PLCL1: variants seen among roughly 807,000 people sequenced by gnomAD.
PLCL1 encodes phospholipase C like 1 (inactive).
Under a neutral mutation model 84.4 loss-of-function variants are expected in PLCL1, and 41 were observed. The observed-to-expected ratio is 0.49, with a 90% CI of 0.38 to 0.63. The LOEUF (loss-of-function observed/expected upper bound fraction) is 0.63, where lower values mean the gene tolerates loss of function less well. Ranked by LOEUF, PLCL1 falls within the 30% of genes least tolerant of loss-of-function variation. The pLI is 0.00. For synonymous variants in PLCL1, 490 were observed against 488.3 expected, an observed-to-expected ratio of 1.00 and a Z score of -0.05; for missense variants, 1,206 against 1,367.8, an observed-to-expected ratio of 0.88 and a Z score of 1.87.
At chr2:198,134,759 G>A (rs2105939857) in intron 5 of PLCL1, among the ~76,000 whole-genome samples, 1 of 152,284 alleles carries the variant, frequency 6.6e-6, no homozygotes, top group Non-Finnish European at 1.5e-5. Flanking sequence ...GGTGAATTGT[G>A]CCCTTGGAAT....
rs1191142602 is a variant in PLCL1 at position 198,085,606 on chromosome 2, C to T, written c.2089C>T (p.Pro697Ser). 6.2e-7 allele frequency: 1 copy of T among 1,614,048 alleles called. No individual in the cohort carries two copies. Among genetic ancestry groups the T allele is most frequent in the Non-Finnish European group, 8.5e-7 (1 of 1,179,966 alleles). ...CGGGGGATGTGGTTATGTTCTAAGG[C>T]CGTCTATAATGCGAGATGAAGTTTC... ...QNGGCGYVLRPSIMRDEVSYF... is the reference protein window; with the variant it reads ...QNGGCGYVLRSSIMRDEVSYF... The change falls in exon 2 of 6, where the codon CCG (proline) becomes TCG (serine). Residue 697 changes from proline to serine, a missense_variant. By Grantham distance (74) the Pro-to-Ser change is moderately conservative. Transcript: ENST00000428675. This position sits in a 1 kb window ranked among gnomAD's most constrained non-coding sequence, Gnocchi z 5.3.
intron 5 of PLCL1, among the ~76,000 whole-genome samples, chr2:198,144,085 A>G (rs1309395386): frequency 2.0e-5 from 3 of 152,146 alleles, no homozygotes; most frequent in Non-Finnish European, 2.9e-5. Flanking sequence ...ACCTCTTAGA[A>G]CCAATGAGAT....
chr2:197,923,028 C>T (rs1210717569), intron 1 of PLCL1, among the ~76,000 whole-genome samples: 9 of 110,930 alleles, frequency 8.1e-5, no homozygotes, highest in African/African-American at 2.1e-4. Context: ...TAGGGGCGGC[C>T]GGGCAGAGGC....
intron 3 of PLCL1, among the ~76,000 whole-genome samples, chr2:198,099,189 T>C (rs1232035807): frequency 6.6e-6 from 1 of 152,132 alleles, no homozygotes; most frequent in African/African-American, 2.4e-5. Context: ...TCGTGCTGAC[T>C]TCCCGGCTCA....
At chr2:198,031,317 A>G (rs1285710450) in intron 1 of PLCL1, among the ~76,000 whole-genome samples, 1 of 151,946 alleles carries the variant, frequency 6.6e-6, no homozygotes, top group Non-Finnish European at 1.5e-5. Flanking sequence ...ATAGTGAGCT[A>G]TGATCACAAC....
intron 1 of PLCL1, among the ~76,000 whole-genome samples, chr2:197,830,110 TCTC>T: frequency 6.6e-6 from 1 of 152,054 alleles, no homozygotes; most frequent in Admixed American, 6.5e-5. Context: ...GAATGCCCCT[TCTC>T]CTCCAAAGGA....
chr2:197,891,388 C>T (rs892243240), intron 1 of PLCL1, among the ~76,000 whole-genome samples: 1 of 152,160 alleles, frequency 6.6e-6, no homozygotes, highest in African/African-American at 2.4e-5. Context: ...CATCCCAGTT[C>T]TGTCTCCCAG....
intron 1 of PLCL1, among the ~76,000 whole-genome samples, chr2:197,890,573 A>T (rs144736914): frequency 5.3e-4 from 81 of 151,666 alleles, no homozygotes; most frequent in African/African-American, 1.8e-3. Flanking sequence ...GAAGAGAATA[A>T]ATGTTATTCA....
At chr2:197,878,141 T>A (rs1165550865) in intron 1 of PLCL1, among the ~76,000 whole-genome samples, 3 of 152,162 alleles carry the variant, frequency 2.0e-5, no homozygotes, top group Non-Finnish European at 4.4e-5. Context: ...AGAACTTTAT[T>A]CTTTTGTTGA....
intron 1 of PLCL1, among the ~76,000 whole-genome samples, chr2:198,027,880 T>C (rs971941617): frequency 2.6e-5 from 4 of 152,118 alleles, no homozygotes; most frequent in Admixed American, 6.6e-5. Flanking sequence ...TCACCCAGGC[T>C]GGAGTACAGT....
intron 1 of PLCL1, among the ~76,000 whole-genome samples, chr2:198,055,165 T>G (rs1692031466): frequency 6.6e-6 from 1 of 152,052 alleles, no homozygotes; most frequent in Admixed American, 6.5e-5. Context: ...CAGCTAGTGC[T>G]CTGACCTGCA....
intron 1 of PLCL1, among the ~76,000 whole-genome samples, chr2:197,872,739 A>G (rs1285941679): frequency 6.6e-6 from 1 of 152,140 alleles, no homozygotes; most frequent in East Asian, 1.9e-4. Flanking sequence ...TGTGATTACA[A>G]TTGTAATTAT....
At chr2:198,093,032 C>T (rs1693087277) in intron 3 of PLCL1, among the ~76,000 whole-genome samples, 1 of 152,182 alleles carries the variant, frequency 6.6e-6, no homozygotes, top group South Asian at 2.1e-4. Flanking sequence ...TGACACCACC[C>T]TTGCTGAATT....
At chr2:197,996,540 G>A (rs147886285) in intron 1 of PLCL1, among the ~76,000 whole-genome samples, 45 of 152,110 alleles carry the variant, frequency 3.0e-4, no homozygotes, top group African/African-American at 9.6e-4. Context: ...TGCAGTGTGG[G>A]GAGAGGTGAA....
intron 1 of PLCL1, among the ~76,000 whole-genome samples, chr2:198,072,637 T>C (rs1574290108): frequency 6.6e-6 from 1 of 152,202 alleles, no homozygotes; most frequent in Admixed American, 6.5e-5. Flanking sequence ...GTTTTGATTA[T>C]GTTAAGGAAG....
chr2:197,958,918 A>C (rs57669318), intron 1 of PLCL1, among the ~76,000 whole-genome samples: 74,554 of 151,476 alleles, frequency 0.49, 18,826 homozygotes, highest in African/African-American at 0.58. Flanking sequence ...ACTAATCTGT[A>C]TTGCCTCTTA....
chr2:198,067,417 C>A (rs912991458), intron 1 of PLCL1, among the ~76,000 whole-genome samples: 6 of 151,998 alleles, frequency 3.9e-5, no homozygotes, highest in Admixed American at 3.3e-4. Flanking sequence ...CATGAGCCAC[C>A]GCACCTGGCC....
At chr2:197,983,190 CTTTTCTTTTCTTTTTT>C (rs1690149100) in intron 1 of PLCL1, among the ~76,000 whole-genome samples, 1 of 66,068 alleles carries the variant, frequency 1.5e-5, no homozygotes, top group Admixed American at 1.6e-4. Context: ...TTTTCTTTTT[CTTTTCTTTTCTTTTTT>C]TTTTTTTTTT....
chr2:197,896,584 T>G (rs1009138179), intron 1 of PLCL1, among the ~76,000 whole-genome samples: 1 of 152,038 alleles, frequency 6.6e-6, no homozygotes. Context: ...TTTTATATGG[T>G]AGATGTGTAA....
Sources: gnomAD v4.1 joint callset for allele counts (sites outside exome capture counted in the v4.1 genomes callset) on GRCh38, gnomAD v4.1.1 for gene constraint, Gnocchi (gnomAD v3.1) non-coding constraint, MANE v1.5 for transcripts, NCBI Gene and HGNC (gene_info 2026-07-23, HGNC 2026-07-21) for gene names.